The following TAOK3 variants were observed in gnomAD, a reference collection of about 807,000 sequenced individuals.
The protein encoded by TAOK3 is TAO kinase 3, also known as serine/threonine-protein kinase TAO3.
Under a neutral mutation model 120.4 loss-of-function variants are expected in TAOK3, and 40 were observed. The ratio of observed to expected loss-of-function variants is 0.33; its 90% CI spans 0.26 to 0.43. The LOEUF (loss-of-function observed/expected upper bound fraction) is 0.43. TAOK3 is among the 20% of genes least tolerant of loss of function. The pLI, the probability that TAOK3 is intolerant of heterozygous loss-of-function variation, is 1.00. For missense variants in TAOK3, 821 were observed against 1,112.1 expected, an observed-to-expected ratio of 0.74 and a Z score of 3.72; for synonymous variants, 355 against 387.5, an observed-to-expected ratio of 0.92 and a Z score of 0.99.
At chr12:118,234,604 G>A (rs927932786) in intron 8 of TAOK3, among the ~76,000 whole-genome samples, 1 of 152,050 alleles carries the variant, frequency 6.6e-6, no homozygotes, top group African/African-American at 2.4e-5. Context: ...GTGCAGTGGC[G>A]CCATCTTGGC....
At chr12:118,266,167 A>G (rs1593347881) in intron 2 of TAOK3, among the ~76,000 whole-genome samples, 1 of 152,092 alleles carries the variant, frequency 6.6e-6, no homozygotes, top group Non-Finnish European at 1.5e-5. Context: ...AATTTTAGGA[A>G]ATAAATAGAA....
At position 118,217,029 on chromosome 12, in the gene TAOK3, T is replaced by C. The variant is rs141276859; in HGVS notation, c.644-2919A>G. Among the ~76,000 whole-genome samples, 1,317 of 152,214 alleles carry C rather than the reference T, an allele frequency of 8.7e-3. 12 individuals are homozygous for C. Among genetic ancestry groups the C allele is most frequent in the African/African-American group, 0.029 (1,214 of 41,540 alleles). On this transcript the variant is annotated intron_variant, in intron 9 of 20. Transcript: ENST00000392533. ...ACCCTAATGGATTTTTTATATAGTC[T>C]CACTTTCTAATTCATAATCTGATCT... is the stretch of plus-strand genomic sequence containing the variant.
chr12:118,235,362 T>C (rs2039978145), intron 8 of TAOK3, among the ~76,000 whole-genome samples, 196 bp downstream of exon 8: 1 of 152,218 alleles, frequency 6.6e-6, no homozygotes, highest in South Asian at 2.1e-4. Context: ...AACTACACAA[T>C]TTAAAGTCAT....
At chr12:118,286,086 C>T in intron 1 of TAOK3, among the ~76,000 whole-genome samples, 1 of 152,126 alleles carries the variant, frequency 6.6e-6, no homozygotes, top group Non-Finnish European at 1.5e-5. Context: ...GGCAGATTGG[C>T]CCTAAGGAGT....
intron 14 of TAOK3, among the ~76,000 whole-genome samples, chr12:118,188,683 A>G (rs1307611181): frequency 6.6e-6 from 1 of 152,262 alleles, no homozygotes; most frequent in African/African-American, 2.4e-5. Flanking sequence ...AAATAGAAGT[A>G]GAAATCAGGT....
At chr12:118,255,304 G>C (rs998655963) in intron 3 of TAOK3, 144 bp downstream of exon 3, 14 of 679,740 alleles carry the variant, frequency 2.1e-5, no homozygotes, top group South Asian at 1.9e-4. Context: ...GTAGAGACAG[G>C]GTCTTGCTAT....
At chr12:118,273,153 G>A (rs769775680) in intron 1 of TAOK3, among the ~76,000 whole-genome samples, 4 of 152,100 alleles carry the variant, frequency 2.6e-5, no homozygotes, top group Non-Finnish European at 5.9e-5. Flanking sequence ...TAAAGATATG[G>A]TGCTAGATTC....
intron 13 of TAOK3, among the ~76,000 whole-genome samples, chr12:118,198,072 C>T (rs1392119034): frequency 1.3e-5 from 2 of 152,106 alleles, no homozygotes; most frequent in Non-Finnish European, 2.9e-5. Context: ...TCTTTGCTTT[C>T]CTCAAATTGC....
intron 1 of TAOK3, among the ~76,000 whole-genome samples, chr12:118,285,397 G>T (rs568956382): frequency 6.6e-6 from 1 of 150,796 alleles, no homozygotes; most frequent in African/African-American, 2.4e-5. Flanking sequence ...TTGTCCCCCA[G>T]GCTGGAGTGC....
chr12:118,326,046 T>C (rs1283324585), intron 1 of TAOK3, among the ~76,000 whole-genome samples: 4 of 152,202 alleles, frequency 2.6e-5, no homozygotes, highest in African/African-American at 9.7e-5. Flanking sequence ...GTGATCCCAT[T>C]TGTCCATTTT....
chr12:118,207,455 T>C (rs2038386638), intron 11 of TAOK3, among the ~76,000 whole-genome samples: 1 of 152,062 alleles, frequency 6.6e-6, no homozygotes, highest in Non-Finnish European at 1.5e-5. Flanking sequence ...AATGAATAAC[T>C]AGAAATCATT....
rs1307175430 is a variant in TAOK3, at chr12:118,244,967, T to C, written c.121-2A>G. The C allele has an allele frequency of 6.2e-7, 1 of 1,602,230 alleles. No homozygotes were observed. The highest frequency in any genetic ancestry group is 1.1e-5 in the South Asian group (1 of 90,742). ...CTCACTGGTGTGAGCATTTGTAGCC[T>C]GTGTTAAGAGGGTAGAAGAAAAAGA... On this transcript the variant is annotated splice_acceptor_variant, in intron 3 of 20. Transcript: ENST00000392533. LOFTEE classifies it high-confidence loss of function.
intron 11 of TAOK3, among the ~76,000 whole-genome samples, chr12:118,206,674 G>A (rs753422824): frequency 2.0e-5 from 3 of 151,810 alleles, no homozygotes; most frequent in Non-Finnish European, 4.4e-5. Context: ...TCAGCTCACC[G>A]CAACCTCCAC....
chr12:118,194,612 CTTTTTTTTT>C (rs58866768), intron 13 of TAOK3, among the ~76,000 whole-genome samples: 3 of 98,172 alleles, frequency 3.1e-5, no homozygotes, highest in Non-Finnish European at 6.4e-5. Flanking sequence ...AAGGACATTT[CTTTTTTTTT>C]TTTTTTTTTT....
At chr12:118,257,619 A>G (rs561391117) in intron 2 of TAOK3, among the ~76,000 whole-genome samples, 26 of 152,246 alleles carry the variant, frequency 1.7e-4, no homozygotes, top group Middle Eastern at 3.4e-3. Context: ...TTGGCCAATA[A>G]AACTATTTTT....
At chr12:118,261,707 C>G (rs1422327025) in intron 2 of TAOK3, 1 of 152,076 alleles carries the variant, frequency 6.6e-6, no homozygotes, top group Non-Finnish European at 1.5e-5. Flanking sequence ...AAAAAAGAAA[C>G]AAAAAGCATC....
chr12:118,208,063 C>T (rs1051667210), intron 11 of TAOK3, among the ~76,000 whole-genome samples: 1 of 152,030 alleles, frequency 6.6e-6, no homozygotes, highest in Non-Finnish European at 1.5e-5. Context: ...ATGTTATTGT[C>T]CATCTACTTG....
chr12:118,370,668 T>G (rs559287476), intron 1 of TAOK3, among the ~76,000 whole-genome samples: 28 of 152,312 alleles, frequency 1.8e-4, no homozygotes, highest in African/African-American at 6.3e-4. Context: ...TAACAAAGCA[T>G]GTGCATTCGA....
chr12:118,343,183 T>C (rs970989346), intron 1 of TAOK3, among the ~76,000 whole-genome samples: 23 of 151,994 alleles, frequency 1.5e-4, no homozygotes, highest in African/African-American at 5.3e-4. Flanking sequence ...ATCCCAGCAC[T>C]TTGGGAGGCT....
Sources: allele counts gnomAD v4.1 joint callset (sites outside exome capture counted in the v4.1 genomes callset), GRCh38; gene constraint gnomAD v4.1.1; transcripts MANE v1.5; gene names NCBI Gene and HGNC (gene_info 2026-07-23, HGNC 2026-07-21).